NCOR1: variants seen among roughly 807,000 people sequenced by gnomAD.
The protein encoded by NCOR1 is protein phosphatase 1, regulatory subunit 109.
A neutral mutation model predicts 288.1 loss-of-function variants in NCOR1; 63 were observed. That is an observed-to-expected ratio of 0.22 (90% confidence interval 0.18 to 0.27). The LOEUF is 0.27. Among genes scored for constraint, NCOR1 ranks in the 10% least tolerant of loss-of-function variants. The pLI is 1.00. For synonymous variants in NCOR1, 1,007 were observed against 1,065.9 expected (o/e 0.94, Z 1.08); for missense variants, 2,397 against 3,019.2 (o/e 0.79, Z 4.83).
chr17:16,154,065 C>T (rs1167152318), intron 6 of NCOR1, among the ~76,000 whole-genome samples: 2 of 135,810 alleles, frequency 1.5e-5, no homozygotes, highest in Non-Finnish European at 3.1e-5. Flanking sequence ...CTCACTCTGT[C>T]GCCCAGGCTG....
At chr17:16,214,271 T>G (rs2092376162) in intron 1 of NCOR1, among the ~76,000 whole-genome samples, 1 of 152,192 alleles carries the variant, frequency 6.6e-6, no homozygotes, top group Admixed American at 6.5e-5. Flanking sequence ...TGCCATCAAC[T>G]CTTCAGTTAT....
Position 16,029,720 on chromosome 17 carries a change from T to G in NCOR1, c.*2576A>C, listed in dbSNP as rs1328126039. The G allele has an allele frequency of 6.5e-6, 1 of 152,840 alleles. No individual in the cohort carries two copies. The highest frequency in any genetic ancestry group is 1.5e-5 in the Non-Finnish European group (1 of 68,436). 9.5% of individuals were successfully genotyped at this position (152,840 alleles called of 1,614,324 possible). On this transcript the variant is annotated 3_prime_UTR_variant, in exon 46 of 46. Coordinates refer to ENST00000268712, the MANE Select transcript of NCOR1 (RefSeq NM_006311.4). ...TAAATCATGATAAGGTGAACCTCCA[T>G]AGGTAAACCATGTGAGAATTCTGTC...
Position 16,057,575 on chromosome 17 carries a change from G to C in NCOR1, c.6331C>G (p.His2111Asp). 6.2e-7 allele frequency: 1 copy of C among 1,614,126 alleles called. No homozygotes were observed. Among genetic ancestry groups the C allele is most frequent in the East Asian group, 2.2e-5 (1 of 44,872 alleles). Residue 2111 changes from histidine (H) to aspartate (D), a missense_variant, in exon 40 of 46, where the codon CAT becomes GAT. By Grantham distance (81) the His-to-Asp change is moderately conservative (BLOSUM62 -1). This residue lies in a region of NCOR1 where 1,872 missense variants were observed against 2,187.8 expected (regional missense o/e 0.86). Coordinates refer to ENST00000268712, the MANE Select transcript of NCOR1 (RefSeq NM_006311.4). ...YSPESQAQSVHHQRPGSRVSP... is the reference protein window; with the variant it reads ...YSPESQAQSVDHQRPGSRVSP... The stretch of plus-strand genomic sequence containing the variant: ...ACCCTTGAACCTGGTCTTTGATGAT[G>C]GACAGACTGAGCCTGGGATTCTGGG...
In NCOR1 at chr17:16,064,217, T is replaced by G. The variant is rs773491377; in HGVS notation, c.5102-30A>C. On this transcript the variant is annotated intron_variant, in intron 34 of 45. Transcript: ENST00000268712. ...AAAACATAAACCTGCAGCTTAAAGA[T>G]AAAAATATCAACTGACTGAGTATAT... The G allele has an allele frequency of 6.3e-6, 10 of 1,596,948 alleles. No homozygotes were observed. In the Admixed American group the frequency reaches 1.8e-4, roughly 28 times the overall value.
At chr17:16,115,944 C>T (rs1265799616) in intron 18 of NCOR1, among the ~76,000 whole-genome samples, 4 of 152,188 alleles carry the variant, frequency 2.6e-5, no homozygotes, top group African/African-American at 7.2e-5. Context: ...TTTCACGCTG[C>T]TTATAAAGAC....
chr17:16,091,819 T>C, intron 22 of NCOR1, 44 bp downstream of exon 22: 1 of 1,612,204 alleles, frequency 6.2e-7, no homozygotes. Context: ...TTAGCTTTAT[T>C]TCCCTTCATA....
At chr17:16,151,700 G>T in intron 8 of NCOR1, 1 of 1,236,366 alleles carries the variant, frequency 8.1e-7, no homozygotes, top group Admixed American at 2.3e-5. Flanking sequence ...TTTTTTACTA[G>T]CAGATTATAA....
intron 5 of NCOR1, among the ~76,000 whole-genome samples, chr17:16,162,844 A>C (rs1374597447): frequency 6.6e-6 from 1 of 152,180 alleles, no homozygotes; most frequent in Non-Finnish European, 1.5e-5. Context: ...GCACATAAGA[A>C]GACAAATATG....
chr17:16,039,913 C>T (rs567883846), intron 43 of NCOR1: 1 of 432,134 alleles, frequency 2.3e-6, no homozygotes, highest in African/African-American at 2.0e-5. Flanking sequence ...ACCTCAGTCT[C>T]CCAAGTAGCT....
At chr17:16,035,724 T>C (rs1171063037) in intron 44 of NCOR1, among the ~76,000 whole-genome samples, 1 of 151,974 alleles carries the variant, frequency 6.6e-6, no homozygotes, top group Non-Finnish European at 1.5e-5. Context: ...AAAATTTTTG[T>C]AGAGATGGGG....
chr17:16,131,609 T>C (rs2075651984), intron 14 of NCOR1, among the ~76,000 whole-genome samples: 1 of 152,074 alleles, frequency 6.6e-6, no homozygotes, highest in Non-Finnish European at 1.5e-5. Flanking sequence ...AGGAAGAAAA[T>C]GAAATACCGT....
At chr17:16,159,281 C>T (rs1291965137) in intron 5 of NCOR1, among the ~76,000 whole-genome samples, 5 of 151,868 alleles carry the variant, frequency 3.3e-5, no homozygotes, top group Non-Finnish European at 5.9e-5. Flanking sequence ...GGCATGGTGG[C>T]GCATGCCTGT....
chr17:16,207,344 G>T (rs2091632465), intron 1 of NCOR1, among the ~76,000 whole-genome samples: 1 of 152,116 alleles, frequency 6.6e-6, no homozygotes, highest in South Asian at 2.1e-4. Flanking sequence ...AGTGATAATG[G>T]CAAGAAGAAT....
chr17:16,039,338 A>G, intron 44 of NCOR1, 95 bp downstream of exon 44: 2 of 1,222,338 alleles, frequency 1.6e-6, no homozygotes, highest in Non-Finnish European at 2.3e-6. Context: ...ACATAAAGAC[A>G]TAAATGAAAT....
At chr17:16,163,517 A>C (rs2081323067) in intron 5 of NCOR1, among the ~76,000 whole-genome samples, 1 of 152,216 alleles carries the variant, frequency 6.6e-6, no homozygotes, top group Admixed American at 6.5e-5. Flanking sequence ...AAAATAACAG[A>C]TGTTGGCAAG....
At chr17:16,056,351 C>T (rs1182072184) in intron 40 of NCOR1, among the ~76,000 whole-genome samples, 2 of 122,490 alleles carry the variant, frequency 1.6e-5, no homozygotes, top group Admixed American at 1.1e-4. Flanking sequence ...CTCGCTCTGT[C>T]GCCCAGGCTG....
intron 1 of NCOR1, among the ~76,000 whole-genome samples, chr17:16,199,218 C>A (rs8071764): frequency 0.13 from 3,404 of 26,828 alleles, 54 homozygotes; most frequent in Non-Finnish European, 0.24. Flanking sequence ...AAAAAAAAAA[C>A]ACACACACAC....
chr17:16,082,654 T>C (rs1368324409), intron 23 of NCOR1, among the ~76,000 whole-genome samples: 2 of 151,352 alleles, frequency 1.3e-5, no homozygotes, highest in Non-Finnish European at 2.9e-5. Context: ...AGGAGACTGA[T>C]GCTACAGTGA....
chr17:16,214,930 C>T (rs1281849228), intron 1 of NCOR1, among the ~76,000 whole-genome samples: 1 of 152,248 alleles, frequency 6.6e-6, no homozygotes, highest in Non-Finnish European at 1.5e-5. Context: ...CCATGGCTGT[C>T]AACCTCCGCA....
Sources: allele counts gnomAD v4.1 joint callset (sites outside exome capture counted in the v4.1 genomes callset), GRCh38; gene constraint gnomAD v4.1.1; regional missense constraint gnomAD v4.1.1; transcripts MANE v1.5; gene names NCBI Gene and HGNC (gene_info 2026-07-23, HGNC 2026-07-21).